The following PPM1L variants were observed in gnomAD, a reference collection of about 807,000 sequenced individuals.
PPM1L encodes protein phosphatase, Mg2+/Mn2+ dependent 1L.
Under a neutral mutation model 31.4 loss-of-function variants are expected in PPM1L, and 13 were observed. That is an observed-to-expected ratio of 0.41 (90% CI 0.27 to 0.66). The LOEUF is 0.66. PPM1L is among the 30% of genes least tolerant of loss of function. The pLI, the probability that PPM1L is intolerant of heterozygous loss-of-function variation, is 0.29. For synonymous variants in PPM1L, 184 were observed against 175.4 expected (o/e 1.05, Z -0.39); for missense variants, 326 against 453.7 (o/e 0.72, Z 2.56).
intron 1 of PPM1L, among the ~76,000 whole-genome samples, chr3:160,820,965 C>T (rs559841110): frequency 6.6e-6 from 1 of 152,114 alleles, no homozygotes; most frequent in African/African-American, 2.4e-5. Context: ...CTAGCTATTA[C>T]TAAATTGTTC....
Position 160,756,353 on chromosome 3 carries a change from C to G in PPM1L, c.45C>G (p.Ile15Met). Residue 15 changes from isoleucine to methionine, a missense_variant, in exon 1 of 4, where the codon ATC becomes ATG. Ile to Met is a conservative substitution (Grantham distance 10). Around this residue, in one of 3 missense-constraint regions of PPM1L, gnomAD observed 42 missense variants for 76.1 expected, o/e 0.55. Coordinates refer to ENST00000498165, the MANE Select transcript of PPM1L (RefSeq NM_139245.4). This position sits in a 1 kb window ranked among gnomAD's most constrained non-coding sequence, Gnocchi z 6.2. The part of the protein sequence containing the change: ...TMTLLSLLGR[I>M]MRYFLLRPET... Reference sequence around the variant, plus strand: ...CTTTGCTGTCTCTGCTGGGTCGCATCATGCGCTACTTCTTGCTGAGACCCG... The same window carrying G: ...CTTTGCTGTCTCTGCTGGGTCGCATGATGCGCTACTTCTTGCTGAGACCCG... 1 of 1,614,200 alleles carries G rather than the reference C, an allele frequency of 6.2e-7. No homozygotes were observed. Among genetic ancestry groups the G allele is most frequent in the Non-Finnish European group, 8.5e-7 (1 of 1,180,026 alleles).
chr3:160,821,735 C>T (rs1227172731), intron 1 of PPM1L, among the ~76,000 whole-genome samples: 3 of 151,784 alleles, frequency 2.0e-5, no homozygotes, highest in Non-Finnish European at 4.4e-5. Context: ...TGATTTTTTT[C>T]CTTTTTTCCA....
chr3:160,983,431 T>TG (rs572624234), intron 2 of PPM1L, among the ~76,000 whole-genome samples: 1 of 148,688 alleles, frequency 6.7e-6, no homozygotes, highest in Admixed American at 6.7e-5. Flanking sequence ...GCAGATTTTT[T>TG]GGGGGGTGGT....
At chr3:160,982,909 T>G (rs1266265715) in intron 2 of PPM1L, among the ~76,000 whole-genome samples, 1 of 152,214 alleles carries the variant, frequency 6.6e-6, no homozygotes, top group South Asian at 2.1e-4. Flanking sequence ...TGCTCCACTG[T>G]GGCTAGATTT....
intron 1 of PPM1L, among the ~76,000 whole-genome samples, chr3:160,768,022 GT>G (rs1397903073): frequency 6.6e-6 from 1 of 152,072 alleles, no homozygotes; most frequent in Non-Finnish European, 1.5e-5. Context: ...TGATCGTAGT[GT>G]TTATCTTTTT....
intron 1 of PPM1L, among the ~76,000 whole-genome samples, chr3:160,807,949 A>C (rs1343481650): frequency 6.6e-6 from 1 of 152,168 alleles, no homozygotes. Context: ...ATGAGATGAT[A>C]ATATCAATCA....
intron 2 of PPM1L, among the ~76,000 whole-genome samples, chr3:161,036,596 CA>C (rs1718748559): frequency 6.6e-6 from 1 of 152,162 alleles, no homozygotes; most frequent in Non-Finnish European, 1.5e-5. Context: ...TGTCTGTAGT[CA>C]TAGAGTTTGG....
Position 161,070,741 on chromosome 3 carries a change from C to T in PPM1L, c.*1584C>T, listed in dbSNP as rs1170244150. On this transcript the variant is annotated 3_prime_UTR_variant, in exon 4 of 4. Coordinates refer to ENST00000498165, the MANE Select transcript of PPM1L (RefSeq NM_139245.4). ...CTTCCCATATGCCACATTCACCGGC[C>T]ACCTCCTCGCCGTGGAACCCTGCCC... The T allele has an allele frequency of 6.6e-6, 1 of 152,188 alleles. No individual in the cohort carries two copies. Among genetic ancestry groups the T allele is most frequent in the African/African-American group, 2.4e-5 (1 of 41,426 alleles). 9.4% of individuals were successfully genotyped at this position (152,188 alleles called of 1,614,324 possible).
rs895992809 is a variant in PPM1L, at chr3:161,074,756, A to C, written c.*5599A>C. ...GTAATAACCACAGCATCATACGTACAACTGCTTTAATAAATCCAAGTTAAG... is the reference window on the plus strand; with the variant it reads ...GTAATAACCACAGCATCATACGTACCACTGCTTTAATAAATCCAAGTTAAG... On this transcript the variant is annotated 3_prime_UTR_variant, in exon 4 of 4. Coordinates refer to ENST00000498165, the MANE Select transcript of PPM1L (RefSeq NM_139245.4). 1.3e-5 allele frequency: 2 copies of C among 152,202 alleles called. No homozygotes were observed. The highest frequency in any genetic ancestry group is 2.9e-5 in the Non-Finnish European group (2 of 68,050). The allele number at this position is 152,202 out of a possible 1,614,324, so 9.4% of individuals were successfully genotyped here.
At chr3:160,939,844 G>C (rs1040914910) in intron 1 of PPM1L, 8 of 158,382 alleles carry the variant, frequency 5.1e-5, no homozygotes, top group Admixed American at 3.2e-4. Context: ...ACCTGAAAAT[G>C]TGGAAGTGAC....
chr3:160,994,393 C>T (rs191343514), intron 2 of PPM1L, among the ~76,000 whole-genome samples: 1 of 152,154 alleles, frequency 6.6e-6, no homozygotes, highest in African/African-American at 2.4e-5. Context: ...TTTAATATGG[C>T]ATTTTCATTT....
intron 2 of PPM1L, among the ~76,000 whole-genome samples, chr3:160,966,603 A>G (rs1443502483): frequency 6.6e-6 from 1 of 152,118 alleles, no homozygotes; most frequent in Non-Finnish European, 1.5e-5. Flanking sequence ...TCTTATGAAT[A>G]ATGCTGCAAG....
In PPM1L at chr3:161,065,120, T is replaced by C. The variant is rs936917586; in HGVS notation, c.575-283T>C. On this transcript the variant is annotated intron_variant, in intron 2 of 3. Coordinates refer to ENST00000498165, the MANE Select transcript of PPM1L (RefSeq NM_139245.4). ...GATTTTGTTTCTCTCCTAATCCTTT[T>C]AAATGTGATATGTGTTTAAGAGTAG... Among the ~76,000 whole-genome samples, 10 of 152,140 alleles carry C rather than the reference T, an allele frequency of 6.6e-5. 1 individual carries two copies.
At chr3:160,784,667 C>G (rs938233189) in intron 1 of PPM1L, among the ~76,000 whole-genome samples, 1 of 152,206 alleles carries the variant, frequency 6.6e-6, no homozygotes, top group African/African-American at 2.4e-5. Flanking sequence ...TTGTTTTTCT[C>G]TCCCTACATG....
chr3:160,920,615 TCACACACACACACA>T (rs1162244272), intron 1 of PPM1L, among the ~76,000 whole-genome samples: 7 of 28,660 alleles, frequency 2.4e-4, no homozygotes, highest in African/African-American at 7.2e-4. Flanking sequence ...TCTCTCTCTC[TCACACACACACACA>T]CACACACACT....
intron 1 of PPM1L, among the ~76,000 whole-genome samples, chr3:160,845,153 T>C (rs1367611833): frequency 3.3e-5 from 5 of 152,140 alleles, no homozygotes; most frequent in African/African-American, 1.2e-4. Flanking sequence ...TATTCATTAG[T>C]TTATGGACAT....
At chr3:160,958,792 ACT>A in intron 1 of PPM1L, among the ~76,000 whole-genome samples, 1 of 152,038 alleles carries the variant, frequency 6.6e-6, no homozygotes, top group African/African-American at 2.4e-5. Context: ...ACCTTTGGCT[ACT>A]CTAGGGGATA....
At chr3:161,009,791 T>C (rs1417591439) in intron 2 of PPM1L, among the ~76,000 whole-genome samples, 1 of 152,196 alleles carries the variant, frequency 6.6e-6, no homozygotes, top group Admixed American at 6.5e-5. Flanking sequence ...CTGTAAGTTA[T>C]ATGTCCTACA....
intron 1 of PPM1L, among the ~76,000 whole-genome samples, chr3:160,810,388 C>T (rs1220682107): frequency 6.6e-6 from 1 of 152,176 alleles, no homozygotes; most frequent in Non-Finnish European, 1.5e-5. Flanking sequence ...TGTGGTTCCA[C>T]ATGTAGCCTT....
Sources: allele counts gnomAD v4.1 joint callset (sites outside exome capture counted in the v4.1 genomes callset), GRCh38; gene constraint gnomAD v4.1.1; regional missense constraint gnomAD v4.1.1; non-coding constraint Gnocchi (gnomAD v3.1); transcripts MANE v1.5; gene names NCBI Gene and HGNC (gene_info 2026-07-23, HGNC 2026-07-21).